Variants in XYLT1 observed in about 807,000 individuals in gnomAD.
XYLT1 encodes the protein xylosyltransferase 1, also known as beta-D-xylosyltransferase 1.
A neutral mutation model predicts 91.3 loss-of-function variants in XYLT1; 36 were observed. The ratio of observed to expected loss-of-function variants is 0.39; its 90% CI spans 0.30 to 0.52. The LOEUF (loss-of-function observed/expected upper bound fraction) is 0.52, where lower values mean the gene tolerates loss of function less well. XYLT1 is among the 20% of genes least tolerant of loss of function. The pLI is 0.68. For synonymous variants in XYLT1, 588 were observed against 532.0 expected (o/e 1.11, Z -1.45); for missense variants, 1,242 against 1,284.5 (o/e 0.97, Z 0.51).
At chr16:17,204,172 G>C (rs2032596850) in intron 3 of XYLT1, among the ~76,000 whole-genome samples, 1 of 152,190 alleles carries the variant, frequency 6.6e-6, no homozygotes, top group Non-Finnish European at 1.5e-5. Context: ...CGATATAGAG[G>C]ATAGGTGTAA....
chr16:17,466,044 T>C (rs1223728786), intron 1 of XYLT1, among the ~76,000 whole-genome samples: 2 of 152,212 alleles, frequency 1.3e-5, no homozygotes, highest in African/African-American at 4.8e-5. Flanking sequence ...ACATACTTGT[T>C]GGGACGTTTT....
At chr16:17,286,666 A>ATCATCATCATCCTCC (rs1555494410) in intron 2 of XYLT1, among the ~76,000 whole-genome samples, 1 of 151,722 alleles carries the variant, frequency 6.6e-6, no homozygotes, top group Non-Finnish European at 1.5e-5. Flanking sequence ...CATCATCCTC[A>ATCATCATCATCCTCC]TCATCATCAT....
At chr16:17,430,215 T>C (rs2036373697) in intron 1 of XYLT1, among the ~76,000 whole-genome samples, 1 of 152,034 alleles carries the variant, frequency 6.6e-6, no homozygotes, top group African/African-American at 2.4e-5. Context: ...GGGATTATAA[T>C]ACACAGGTTG....
chr16:17,243,744 T>C (rs1298817413), intron 3 of XYLT1, among the ~76,000 whole-genome samples: 1 of 152,116 alleles, frequency 6.6e-6, no homozygotes, highest in East Asian at 1.9e-4. Flanking sequence ...TTATGGACTC[T>C]TCAGGCTGGG....
intron 3 of XYLT1, among the ~76,000 whole-genome samples, chr16:17,209,382 C>A (rs2032716927): frequency 6.6e-6 from 1 of 152,228 alleles, no homozygotes; most frequent in Non-Finnish European, 1.5e-5. Flanking sequence ...GCATATAGCA[C>A]AATTGATCCA....
At chr16:17,449,090 G>A (rs1212448605) in intron 1 of XYLT1, among the ~76,000 whole-genome samples, 3 of 152,218 alleles carry the variant, frequency 2.0e-5, no homozygotes, top group African/African-American at 7.2e-5. Flanking sequence ...TAAGTGTCAT[G>A]CCATGCCTGG....
intron 6 of XYLT1, among the ~76,000 whole-genome samples, chr16:17,153,724 C>T (rs1335238873): frequency 1.3e-5 from 2 of 152,066 alleles, no homozygotes; most frequent in African/African-American, 2.4e-5. Context: ...CATAGCATGC[C>T]CACTTATAAA....
intron 1 of XYLT1, among the ~76,000 whole-genome samples, chr16:17,374,400 C>T (rs2035570733): frequency 6.6e-6 from 1 of 150,822 alleles, no homozygotes; most frequent in Non-Finnish European, 1.5e-5. Context: ...GAATCTTCAT[C>T]AGGATCAGCC....
intron 2 of XYLT1, among the ~76,000 whole-genome samples, chr16:17,278,413 G>A (rs9937135): frequency 1.8e-3 from 276 of 152,254 alleles, no homozygotes; most frequent in African/African-American, 6.0e-3. Context: ...CTTCATTGCC[G>A]CAGGTGGGTG....
At chr16:17,215,356 A>C (rs2032835311) in intron 3 of XYLT1, among the ~76,000 whole-genome samples, 1 of 152,158 alleles carries the variant, frequency 6.6e-6, no homozygotes, top group Non-Finnish European at 1.5e-5. Context: ...ACAAACAAAC[A>C]AAAAGGTTAA....
At chr16:17,451,746 C>A (rs1001080492) in intron 1 of XYLT1, among the ~76,000 whole-genome samples, 9 of 152,120 alleles carry the variant, frequency 5.9e-5, no homozygotes. Context: ...AGATAGAAGA[C>A]TCTTGCCCAT....
chr16:17,338,940 C>A (rs890054240), intron 2 of XYLT1, among the ~76,000 whole-genome samples: 5 of 152,170 alleles, frequency 3.3e-5, no homozygotes, highest in African/African-American at 1.2e-4. Flanking sequence ...ATACTGCCCA[C>A]TCCTACATGA....
At chr16:17,305,035 G>T (rs1485939541) in intron 2 of XYLT1, among the ~76,000 whole-genome samples, 1 of 152,112 alleles carries the variant, frequency 6.6e-6, no homozygotes, top group Non-Finnish European at 1.5e-5. Context: ...GTGCCGCAGG[G>T]TGCCCACTGT....
At chr16:17,276,992 A>G (rs2033986902) in intron 2 of XYLT1, among the ~76,000 whole-genome samples, 3 of 152,326 alleles carry the variant, frequency 2.0e-5, no homozygotes, top group Non-Finnish European at 4.4e-5. Flanking sequence ...GAACTCCTAC[A>G]ACGACTTTTC....
intron 3 of XYLT1, among the ~76,000 whole-genome samples, chr16:17,221,945 G>A (rs1476033268): frequency 3.9e-5 from 6 of 152,074 alleles, no homozygotes; most frequent in East Asian, 1.9e-4. Context: ...CTACAGGGCC[G>A]TCCTCCAAGA....
chr16:17,204,966 CAAA>C (rs530525798), intron 3 of XYLT1, among the ~76,000 whole-genome samples: 6,022 of 81,272 alleles, frequency 0.074, 138 homozygotes, highest in African/African-American at 0.14. Context: ...TGCCCAGCTC[CAAA>C]AAAAAAAAAA....
At chr16:17,457,888 C>T (rs776405044) in intron 1 of XYLT1, among the ~76,000 whole-genome samples, 1 of 152,046 alleles carries the variant, frequency 6.6e-6, no homozygotes. Context: ...TTTCCCATTA[C>T]ATCTCTAATT....
intron 6 of XYLT1, among the ~76,000 whole-genome samples, chr16:17,154,986 A>C (rs1416503755): frequency 1.3e-5 from 2 of 152,234 alleles, no homozygotes; most frequent in African/African-American, 4.8e-5. Context: ...GTCTGGACAC[A>C]TGAAATACCA....
chr16:17,205,015 C>T (rs1056402405), intron 3 of XYLT1, among the ~76,000 whole-genome samples: 1 of 149,678 alleles, frequency 6.7e-6, no homozygotes, highest in African/African-American at 2.5e-5. Flanking sequence ...AATCAGATTC[C>T]CATGGCACAA....
Sources: allele counts gnomAD v4.1 joint callset (sites outside exome capture counted in the v4.1 genomes callset), GRCh38; gene constraint gnomAD v4.1.1; transcripts MANE v1.5; gene names NCBI Gene and HGNC (gene_info 2026-07-23, HGNC 2026-07-21).